The following PLCD1 variants were observed in gnomAD, a reference collection of about 807,000 sequenced individuals.
PLCD1 encodes the protein phospholipase C delta 1.
Under a neutral mutation model 87.4 loss-of-function variants are expected in PLCD1, and 71 were observed. The ratio of observed to expected loss-of-function variants is 0.81; its 90% CI spans 0.67 to 0.99. The LOEUF (loss-of-function observed/expected upper bound fraction) is 0.99. PLCD1 is among the 50% of genes least tolerant of loss of function. PLCD1 has a pLI of 0.00. For synonymous variants in PLCD1, 348 were observed against 399.2 expected, an observed-to-expected ratio of 0.87 and a Z score of 1.53; for missense variants, 867 against 1,001.5, an observed-to-expected ratio of 0.87 and a Z score of 1.81.
chr3:38,015,054 C>T (rs749903821), intron 3 of PLCD1, among the ~76,000 whole-genome samples: 15 of 152,172 alleles, frequency 9.9e-5, no homozygotes, highest in Non-Finnish European at 1.3e-4. Flanking sequence ...GGCAGTTTCT[C>T]AAAAGGTTAA....
At chr3:38,016,393 A>C (rs1575352474) in intron 3 of PLCD1, 98 bp downstream of exon 3, 1 of 782,948 alleles carries the variant, frequency 1.3e-6, no homozygotes. Context: ...ATGGCAGCCC[A>C]AAGTACCTAA....
chr3:38,013,357 CG>C (rs751668404), intron 3 of PLCD1, among the ~76,000 whole-genome samples: 2 of 151,860 alleles, frequency 1.3e-5, no homozygotes, highest in Non-Finnish European at 2.9e-5. Flanking sequence ...GGACTACAGG[CG>C]CCCACCACCA....
chr3:38,007,923 G>C, intron 14 of PLCD1, 65 bp from the exon 15 acceptor site: 2 of 1,602,474 alleles, frequency 1.2e-6, no homozygotes, highest in Non-Finnish European at 1.7e-6. Flanking sequence ...CGGAGGGGGG[G>C]TGGATGCGTC....
At chr3:38,028,065 C>G (rs557162166) in intron 1 of PLCD1, among the ~76,000 whole-genome samples, 1 of 152,310 alleles carries the variant, frequency 6.6e-6, no homozygotes, top group African/African-American at 2.4e-5. Flanking sequence ...GAAAAGATAT[C>G]AAGGCTGCCT....
At chr3:38,012,270 A>C (rs1700092100) in intron 3 of PLCD1, among the ~76,000 whole-genome samples, 1 of 150,770 alleles carries the variant, frequency 6.6e-6, no homozygotes, top group African/African-American at 2.4e-5. Context: ...TTGACCTCCC[A>C]AAGTGCTGGG....
At chr3:38,029,196 G>A (rs1005457148) in intron 1 of PLCD1, among the ~76,000 whole-genome samples, 5 of 152,380 alleles carry the variant, frequency 3.3e-5, no homozygotes, top group African/African-American at 1.2e-4. Flanking sequence ...GGATCGTGGA[G>A]CCCAGACTTT....
intron 14 of PLCD1, 39 bp from the exon 15 acceptor site, chr3:38,007,897 T>G: frequency 6.2e-7 from 1 of 1,608,766 alleles, no homozygotes; most frequent in Non-Finnish European, 8.5e-7. Context: ...CAGAGAGAGT[T>G]CTGGTCATTC....
In PLCD1 at chr3:38,017,492, G is replaced by A. The variant is rs932414066; in HGVS notation, c.200-773C>T. 2.6e-5 allele frequency among the ~76,000 whole-genome samples: 4 copies of A among 152,166 alleles called. No homozygotes were observed. The highest frequency in any genetic ancestry group is 2.6e-4 in the Admixed American group (4 of 15,288). On this transcript the variant is annotated intron_variant, in intron 2 of 14. Coordinates refer to ENST00000334661, the MANE Select transcript of PLCD1 (RefSeq NM_006225.4). This position sits in a 1 kb window ranked among gnomAD's most constrained non-coding sequence, Gnocchi z 4.7. The stretch of plus-strand genomic sequence containing the variant: ...GAGATTACATCATTCTGCCCTTAGG[G>A]GAGCCAAGGGGAGGGCCCTCCCCTC...
At position 38,029,511 on chromosome 3, in the gene PLCD1, A is replaced by G; in HGVS notation, c.29T>C (p.Leu10Pro). The part of the protein sequence containing the change: MDSGRDFLT[L>P]HGLQDDEDLQ... ...CGCGCGGGCCAGGCACTCACCGTGCAGGGTCAGGAAGTCCCGGCCCGAGTC... is the reference window on the plus strand; with the variant it reads ...CGCGCGGGCCAGGCACTCACCGTGCGGGGTCAGGAAGTCCCGGCCCGAGTC... Residue 10 changes from leucine to proline, a missense_variant, in exon 1 of 15, where the codon CTG becomes CCG. Leu to Pro is a moderately conservative substitution (Grantham distance 98). Transcript: ENST00000334661. The G allele has an allele frequency of 1.3e-6, 2 of 1,539,352 alleles. No individual in the cohort carries two copies. The highest frequency in any genetic ancestry group is 1.7e-6 in the Non-Finnish European group (2 of 1,146,488).
At chr3:38,024,173 G>A in intron 1 of PLCD1, 1 of 650,168 alleles carries the variant, frequency 1.5e-6, no homozygotes, top group African/African-American at 1.8e-5. Context: ...TGCTACCACT[G>A]CAAACACTGC....
intron 1 of PLCD1, among the ~76,000 whole-genome samples, chr3:38,026,517 CATAA>C (rs111758802): frequency 0.019 from 2,859 of 152,258 alleles, 48 homozygotes; most frequent in African/African-American, 0.048. Context: ...GATTCTGTCT[CATAA>C]ATAAATAAAC....
At chr3:38,021,117 G>A (rs1254683495) in intron 1 of PLCD1, among the ~76,000 whole-genome samples, 7 of 152,052 alleles carry the variant, frequency 4.6e-5, no homozygotes, top group Non-Finnish European at 1.0e-4. Context: ...GGACCCCTAT[G>A]CCCATCTCTG....
At position 38,008,585 on chromosome 3, in the gene PLCD1, C is replaced by T. The variant is rs1287560527; in HGVS notation, c.1775G>A (p.Arg592His). The T allele has an allele frequency of 3.1e-6, 5 of 1,614,180 alleles. No homozygotes were observed. Among genetic ancestry groups the T allele is most frequent in the Middle Eastern group, 3.3e-4 (2 of 6,050 alleles). ...PGPEMDVYQG[R>H]FQDNGACGYV... ...CCCACAGGCCCCGTTGTCCTGGAAG[C>T]GGCCCTGGTACACGTCCATCTCTGG... is the stretch of plus-strand genomic sequence containing the variant. The change falls in exon 12 of 15, where the codon CGC (arginine) becomes CAC (histidine). Residue 592 changes from arginine (R) to histidine (H), a missense_variant. Coordinates refer to ENST00000334661, the MANE Select transcript of PLCD1 (RefSeq NM_006225.4).
chr3:38,010,153 G>C lies in PLCD1; in HGVS notation c.1115C>G (p.Ala372Gly). The C allele has an allele frequency of 6.2e-7, 1 of 1,614,252 alleles. No homozygotes were observed. Among genetic ancestry groups the C allele is most frequent in the South Asian group, 1.1e-5 (1 of 91,084 alleles). Residue 372 changes from alanine to glycine, a missense_variant, in exon 7 of 15, where the codon GCC becomes GGC. By Grantham distance (60) the Ala-to-Gly change is moderately conservative. Transcript: ENST00000334661. ...CACCTTGAAGGCATAGTCCCGGATGGCCCTGAGCACATCGCAGAAGAGGAT... is the reference window on the plus strand; with the variant it reads ...CACCTTGAAGGCATAGTCCCGGATGCCCCTGAGCACATCGCAGAAGAGGAT... Reference protein sequence around the residue: ...SKILFCDVLRAIRDYAFKASP... With the variant: ...SKILFCDVLRGIRDYAFKASP...
intron 1 of PLCD1, among the ~76,000 whole-genome samples, chr3:38,023,156 G>C (rs1700259086): frequency 1.3e-5 from 2 of 151,962 alleles, no homozygotes; most frequent in South Asian, 4.2e-4. Flanking sequence ...CCTATACCAA[G>C]GGTGATGCAT....
At chr3:38,023,430 T>C (rs1700262769) in intron 1 of PLCD1, among the ~76,000 whole-genome samples, 1 of 152,146 alleles carries the variant, frequency 6.6e-6, no homozygotes, top group Non-Finnish European at 1.5e-5. Context: ...ATAGTTAATA[T>C]TTAAATAAGA....
At chr3:38,012,036 T>TC (rs971902600) in intron 3 of PLCD1, among the ~76,000 whole-genome samples, 4 of 149,114 alleles carry the variant, frequency 2.7e-5, no homozygotes, top group Non-Finnish European at 6.0e-5. Flanking sequence ...CTTTTCTTTT[T>TC]TTTTTTTTTT....
At chr3:38,012,273 G>C (rs1400201850) in intron 3 of PLCD1, among the ~76,000 whole-genome samples, 1 of 150,834 alleles carries the variant, frequency 6.6e-6, no homozygotes, top group East Asian at 2.0e-4. Flanking sequence ...ACCTCCCAAA[G>C]TGCTGGGATT....
chr3:38,024,451 C>T, intron 1 of PLCD1: 1 of 1,605,952 alleles, frequency 6.2e-7, no homozygotes, highest in Non-Finnish European at 8.5e-7. Flanking sequence ...CACAGTGCCC[C>T]TGCCTGCGCG....
Sources: gnomAD v4.1 joint callset for allele counts (sites outside exome capture counted in the v4.1 genomes callset) on GRCh38, gnomAD v4.1.1 for gene constraint, Gnocchi (gnomAD v3.1) non-coding constraint, MANE v1.5 for transcripts, NCBI Gene and HGNC (gene_info 2026-07-23, HGNC 2026-07-21) for gene names.